The following SNX8 variants were observed in gnomAD, a reference collection of about 807,000 sequenced individuals.
SNX8 encodes the protein sorting nexin 8.
In SNX8, 25 loss-of-function variants were observed where a neutral mutation model predicts 51.6. The ratio of observed to expected loss-of-function variants is 0.48; its 90% CI spans 0.35 to 0.68. The LOEUF (loss-of-function observed/expected upper bound fraction) is 0.68, where lower values mean the gene tolerates loss of function less well. Ranked by LOEUF, SNX8 falls within the 30% of genes least tolerant of loss-of-function variation. The pLI, the probability that SNX8 is intolerant of heterozygous loss-of-function variation, is 0.00. For synonymous variants in SNX8, 324 were observed against 277.0 expected, an observed-to-expected ratio of 1.17 and a Z score of -1.68; for missense variants, 695 against 624.0, an observed-to-expected ratio of 1.11 and a Z score of -1.21.
intron 1 of SNX8, among the ~76,000 whole-genome samples, chr7:2,353,787 G>C (rs1223197061): frequency 1.3e-5 from 2 of 152,054 alleles, no homozygotes; most frequent in African/African-American, 4.8e-5. Flanking sequence ...GATGAGGGCT[G>C]GCGTGCGGGG....
intron 7 of SNX8, 57 bp downstream of exon 7, chr7:2,263,173 A>G (rs1017366667): frequency 8.2e-6 from 13 of 1,580,950 alleles, no homozygotes; most frequent in African/African-American, 2.7e-5. Context: ...GGCACTCCCC[A>G]TGCAAAGGCA....
intron 1 of SNX8, among the ~76,000 whole-genome samples, chr7:2,307,469 T>TA (rs1796569333): frequency 1.3e-5 from 2 of 151,602 alleles, no homozygotes; most frequent in African/African-American, 4.9e-5. Context: ...CCATCTCTAC[T>TA]AAAAATACAA....
intron 1 of SNX8, among the ~76,000 whole-genome samples, chr7:2,329,665 C>T (rs924358215): frequency 6.6e-6 from 1 of 152,092 alleles, no homozygotes; most frequent in Admixed American, 6.6e-5. Context: ...GGAAAGCTGA[C>T]GTCATGAAGC....
At chr7:2,311,503 G>A (rs1387352255) in intron 1 of SNX8, among the ~76,000 whole-genome samples, 2 of 152,116 alleles carry the variant, frequency 1.3e-5, no homozygotes, top group East Asian at 1.9e-4. Flanking sequence ...GATTTCAGAC[G>A]TGAGCCACAG....
At chr7:2,281,665 G>A (rs1460673195) in intron 1 of SNX8, among the ~76,000 whole-genome samples, 2 of 152,144 alleles carry the variant, frequency 1.3e-5, no homozygotes, top group Non-Finnish European at 2.9e-5. Context: ...CCCACAGAGA[G>A]AAAACAGATG....
chr7:2,342,131 A>G (rs1160419788), intron 1 of SNX8, among the ~76,000 whole-genome samples: 4 of 150,334 alleles, frequency 2.7e-5, no homozygotes, highest in African/African-American at 7.3e-5. Flanking sequence ...GTGAGCCGAG[A>G]TCTCACCACT....
At chr7:2,351,810 G>A (rs977184730) in intron 1 of SNX8, among the ~76,000 whole-genome samples, 117 of 151,354 alleles carry the variant, frequency 7.7e-4, no homozygotes, top group Non-Finnish European at 1.2e-3. Context: ...CAGCCTGGGC[G>A]ACAGAGTGAG....
intron 1 of SNX8, among the ~76,000 whole-genome samples, chr7:2,289,856 C>G (rs140718266): frequency 5.5e-4 from 83 of 152,256 alleles, no homozygotes; most frequent in African/African-American, 1.9e-3. Context: ...ATGATCGAGC[C>G]ACTACGCTCC....
chr7:2,261,428 G>A (rs13245287), intron 7 of SNX8, among the ~76,000 whole-genome samples: 3,752 of 152,284 alleles, frequency 0.025, 146 homozygotes, highest in African/African-American at 0.086. Context: ...GCGAGACTCC[G>A]TCTCAAAAAC....
In SNX8 at chr7:2,278,087, A is replaced by G; in HGVS notation, c.300+13T>C. 6.2e-7 allele frequency: 1 copy of G among 1,611,370 alleles called. No homozygotes were observed. Among genetic ancestry groups the G allele is most frequent in the Non-Finnish European group, 8.5e-7 (1 of 1,178,206 alleles). Reference sequence around the variant, plus strand: ...CCCCTCCTGCCCCGACACACACACAATTTGCCAGTTACCTGGCTGGAAACC... The same window carrying G: ...CCCCTCCTGCCCCGACACACACACAGTTTGCCAGTTACCTGGCTGGAAACC... On this transcript the variant is annotated intron_variant, in intron 2 of 10. Transcript: ENST00000222990.
intron 6 of SNX8, 38 bp from the exon 7 acceptor site, chr7:2,263,400 G>T (rs780833394): frequency 5.8e-6 from 9 of 1,546,328 alleles, no homozygotes; most frequent in East Asian, 2.4e-5. Context: ...GACACTCAAG[G>T]CCTGGAGCTC....
chr7:2,271,392 G>A (rs1795641256), intron 4 of SNX8, among the ~76,000 whole-genome samples: 2 of 152,226 alleles, frequency 1.3e-5, no homozygotes, highest in African/African-American at 2.4e-5. Context: ...GCTGGGAGGA[G>A]GGAAGCCCCA....
chr7:2,350,506 T>G (rs1256692813), intron 1 of SNX8, among the ~76,000 whole-genome samples: 1 of 152,178 alleles, frequency 6.6e-6, no homozygotes, highest in Non-Finnish European at 1.5e-5. Context: ...TTGAGGGAAA[T>G]TAAAGCTTAC....
chr7:2,327,398 C>A (rs1466217359), intron 1 of SNX8, among the ~76,000 whole-genome samples: 2 of 150,308 alleles, frequency 1.3e-5, no homozygotes, highest in Non-Finnish European at 3.0e-5. Context: ...CACCACCATG[C>A]CTGGCTAATT....
At chr7:2,320,260 CAGG>C (rs536001842) in intron 1 of SNX8, among the ~76,000 whole-genome samples, 28 of 151,950 alleles carry the variant, frequency 1.8e-4, no homozygotes, top group Non-Finnish European at 3.4e-4. Flanking sequence ...GAGGCTGAGG[CAGG>C]AGATTTGCTT....
intron 1 of SNX8, among the ~76,000 whole-genome samples, chr7:2,336,105 G>GA (rs11430916): frequency 0.53 from 72,747 of 136,860 alleles, 18,803 homozygotes; most frequent in East Asian, 0.78. Context: ...TCCATCTCGA[G>GA]AAAAAAAAAA....
Position 2,304,275 on chromosome 7 carries a change from C to T in SNX8, c.94+10053G>A, listed in dbSNP as rs142333651. 7.8e-3 allele frequency among the ~76,000 whole-genome samples: 1,180 copies of T among 152,076 alleles called. 42 individuals are homozygous for T. In the South Asian group the frequency reaches 0.095, roughly 12 times the overall value. On this transcript the variant is annotated intron_variant, in intron 1 of 10. Coordinates refer to ENST00000222990, the MANE Select transcript of SNX8 (RefSeq NM_013321.4). Reference sequence around the variant, plus strand: ...AATCCATCTCCCCGGCCGGGCACGGCAGCTCACGCCTGGAATCCCAGCACT... The same window carrying T: ...AATCCATCTCCCCGGCCGGGCACGGTAGCTCACGCCTGGAATCCCAGCACT...
chr7:2,292,541 A>T (rs1224234741), intron 1 of SNX8, among the ~76,000 whole-genome samples: 1 of 151,478 alleles, frequency 6.6e-6, no homozygotes, highest in Non-Finnish European at 1.5e-5. Context: ...CCTCCCGAGT[A>T]GCTGGGACTA....
At chr7:2,287,255 CA>C (rs911390560) in intron 1 of SNX8, among the ~76,000 whole-genome samples, 18 of 138,356 alleles carry the variant, frequency 1.3e-4, no homozygotes, top group Admixed American at 2.2e-4. Context: ...GACTCTGTTT[CA>C]AAAAAAAAAG....
Sources: gnomAD v4.1 joint callset for allele counts (sites outside exome capture counted in the v4.1 genomes callset) on GRCh38, gnomAD v4.1.1 for gene constraint, MANE v1.5 for transcripts, NCBI Gene and HGNC (gene_info 2026-07-23, HGNC 2026-07-21) for gene names.